Variants in SRPK2 observed in about 807,000 individuals in gnomAD.
SRPK2 encodes SFRS protein kinase 2.
A neutral mutation model predicts 90.8 loss-of-function variants in SRPK2; 21 were observed. The observed-to-expected ratio is 0.23, with a 90% confidence interval of 0.16 to 0.33. The LOEUF (loss-of-function observed/expected upper bound fraction) is 0.33, where lower values mean the gene tolerates loss of function less well. Ranked by LOEUF, SRPK2 falls within the 10% of genes least tolerant of loss-of-function variation. SRPK2 has a pLI of 1.00. For missense variants in SRPK2, 620 were observed against 869.0 expected, an observed-to-expected ratio of 0.71 and a Z score of 3.60; for synonymous variants, 288 against 311.1, an observed-to-expected ratio of 0.93 and a Z score of 0.78.
intron 2 of SRPK2, chr7:105,206,570 T>C (rs1209479203): frequency 1.3e-5 from 2 of 154,248 alleles, no homozygotes; most frequent in Admixed American, 6.3e-5. Context: ...CCCCAAAGTA[T>C]AGAGGAGGTT....
chr7:105,387,034 T>A (rs775569751), intron 2 of SRPK2, among the ~76,000 whole-genome samples: 8 of 152,200 alleles, frequency 5.3e-5, no homozygotes, highest in Admixed American at 3.9e-4. Flanking sequence ...AAAATCATAC[T>A]CTAATATATG....
intron 2 of SRPK2, among the ~76,000 whole-genome samples, chr7:105,387,869 C>A (rs1821807032): frequency 6.6e-6 from 1 of 152,196 alleles, no homozygotes. Context: ...TCTTGGGCAG[C>A]GGCCCCCCTG....
intron 2 of SRPK2, among the ~76,000 whole-genome samples, chr7:105,254,024 AAATAG>A (rs1210703531): frequency 6.6e-6 from 1 of 152,224 alleles, no homozygotes; most frequent in African/African-American, 2.4e-5. Context: ...TCATTAGCAT[AAATAG>A]AATACCCAAA....
intron 2 of SRPK2, among the ~76,000 whole-genome samples, chr7:105,380,257 G>C (rs1035937521): frequency 5.9e-5 from 9 of 152,006 alleles, no homozygotes; most frequent in African/African-American, 2.2e-4. Flanking sequence ...TCGGACTCTG[G>C]AATAGCTGGG....
chr7:105,298,457 G>GT (rs915310206), intron 2 of SRPK2, among the ~76,000 whole-genome samples: 3 of 151,790 alleles, frequency 2.0e-5, no homozygotes, highest in African/African-American at 7.3e-5. Context: ...TTACATATAG[G>GT]TTTTTTTTCT....
At chr7:105,131,031 T>C (rs908195421) in intron 13 of SRPK2, among the ~76,000 whole-genome samples, 7 of 152,200 alleles carry the variant, frequency 4.6e-5, no homozygotes, top group African/African-American at 1.4e-4. Flanking sequence ...CAAACGTTCA[T>C]CTAATGGAAG....
At chr7:105,265,399 A>C (rs926842638) in intron 2 of SRPK2, among the ~76,000 whole-genome samples, 1 of 152,216 alleles carries the variant, frequency 6.6e-6, no homozygotes, top group African/African-American at 2.4e-5. Context: ...TGCAAATACT[A>C]TACCATTTTA....
intron 2 of SRPK2, among the ~76,000 whole-genome samples, chr7:105,348,670 G>T (rs543701069): frequency 8.6e-4 from 130 of 150,690 alleles, no homozygotes; most frequent in Non-Finnish European, 1.4e-3. Context: ...TGATCCAACT[G>T]CCTCGGCCTC....
intron 7 of SRPK2, among the ~76,000 whole-genome samples, chr7:105,154,746 G>A (rs1048911430): frequency 4.6e-5 from 7 of 151,992 alleles, no homozygotes; most frequent in African/African-American, 1.7e-4. Flanking sequence ...ACACAATCTC[G>A]GCTCACTGCA....
rs562188298 is a variant in SRPK2 at position 105,288,801 on chromosome 7, C to T, written c.72-85016G>A. Among the ~76,000 whole-genome samples, 7 of 152,106 alleles carry T rather than the reference C, an allele frequency of 4.6e-5. No individual in the cohort carries two copies. The East Asian group carries it at 1.4e-3, about 29-fold the overall frequency. ...CCTCCCAGATGCTCTTCTCCTGGACCATGCAGAGGAGGAAGACATGTGCTA... is the reference window on the plus strand; with the variant it reads ...CCTCCCAGATGCTCTTCTCCTGGACTATGCAGAGGAGGAAGACATGTGCTA... On this transcript the variant is annotated intron_variant, in intron 2 of 15. Transcript: ENST00000393651.
intron 11 of SRPK2, among the ~76,000 whole-genome samples, chr7:105,138,104 G>A (rs537272186): frequency 1.3e-5 from 2 of 152,224 alleles, no homozygotes; most frequent in Non-Finnish European, 2.9e-5. Flanking sequence ...GGGATGGTAT[G>A]TGTGTTGGAC....
chr7:105,364,563 G>A (rs1409628153), intron 2 of SRPK2, among the ~76,000 whole-genome samples: 1 of 151,950 alleles, frequency 6.6e-6, no homozygotes, highest in African/African-American at 2.4e-5. Context: ...ATCATGCCTA[G>A]CTAATTTTTT....
chr7:105,386,269 G>A (rs1353227285), intron 2 of SRPK2, among the ~76,000 whole-genome samples: 3 of 145,884 alleles, frequency 2.1e-5, no homozygotes, highest in Admixed American at 7.0e-5. Flanking sequence ...AGCCGAGATC[G>A]CGCCACTGCC....
chr7:105,207,687 A>AT (rs1796380319), intron 2 of SRPK2, among the ~76,000 whole-genome samples: 2 of 152,352 alleles, frequency 1.3e-5, no homozygotes, highest in Middle Eastern at 3.4e-3. Flanking sequence ...GAAAGAGCTA[A>AT]AACTATAAAA....
In SRPK2 at chr7:105,359,422, T is replaced by C. The variant is rs374224737; in HGVS notation, c.71+29226A>G. 2.8e-4 allele frequency among the ~76,000 whole-genome samples: 42 copies of C among 152,166 alleles called. No individual in the cohort carries two copies. The East Asian group carries it at 7.9e-3, about 29-fold the overall frequency. ...ATCTGCCCTCCTTGGCCTCCCAAAG[T>C]GACAAGATTACAGGCATGAGCCACT... On this transcript the variant is annotated intron_variant, in intron 2 of 15. Transcript: ENST00000393651.
intron 2 of SRPK2, chr7:105,302,043 T>C (rs747999160): frequency 2.8e-5 from 44 of 1,562,786 alleles, no homozygotes; most frequent in African/African-American, 4.1e-5. Flanking sequence ...TGGGTTGATG[T>C]TGTGAAGCAT....
chr7:105,366,651 G>A (rs1819101031), intron 2 of SRPK2, among the ~76,000 whole-genome samples: 1 of 152,162 alleles, frequency 6.6e-6, no homozygotes. Context: ...TTACAGGCGT[G>A]AGCCACCAGG....
At position 105,142,500 on chromosome 7, in the gene SRPK2, T is replaced by G; in HGVS notation, c.1061-10A>C. The G allele has an allele frequency of 6.3e-7, 1 of 1,596,656 alleles. No homozygotes were observed. The highest frequency in any genetic ancestry group is 1.7e-4 in the Middle Eastern group (1 of 5,964). On this transcript the variant is annotated splice_polypyrimidine_tract_variant and intron_variant, in intron 10 of 15. Coordinates refer to ENST00000393651, the MANE Select transcript of SRPK2 (RefSeq NM_182692.3). ...TGGTCCTCAGCTTCACCTTAAGAAT[T>G]TGATGGGTCAAGAATTAGAACTTGT...
chr7:105,125,947 C>T, intron 15 of SRPK2: 1 of 773,560 alleles, frequency 1.3e-6, no homozygotes, highest in African/African-American at 1.8e-5. Flanking sequence ...GCAGACACTA[C>T]CACCGCCCGC....
Sources: gnomAD v4.1 joint callset for allele counts (sites outside exome capture counted in the v4.1 genomes callset) on GRCh38, gnomAD v4.1.1 for gene constraint, MANE v1.5 for transcripts, NCBI Gene and HGNC (gene_info 2026-07-23, HGNC 2026-07-21) for gene names.